Variants in AGMO observed in about 807,000 individuals in gnomAD.
AGMO encodes the protein alkylglycerol monooxygenase, also known as glyceryl-ether monooxygenase.
Under a neutral mutation model 60.2 loss-of-function variants are expected in AGMO, and 75 were observed. The ratio of observed to expected loss-of-function variants is 1.25; its 90% CI spans 1.03 to 1.51. The LOEUF is 1.51. AGMO is among the 40% of genes most tolerant of loss of function. The probability of loss-of-function intolerance (pLI) is 0.00; values close to 1 mark genes in which losing one functional copy is unlikely to be tolerated. For synonymous variants in AGMO, 261 were observed against 177.1 expected, an observed-to-expected ratio of 1.47 and a Z score of -3.76; for missense variants, 763 against 525.5, an observed-to-expected ratio of 1.45 and a Z score of -4.42.
At chr7:15,397,619 C>T (rs984972461) in intron 5 of AGMO, among the ~76,000 whole-genome samples, 50 of 152,364 alleles carry the variant, frequency 3.3e-4, no homozygotes, top group African/African-American at 8.7e-4. Context: ...TTTCTCCCCA[C>T]CTCTCCCTCT....
chr7:15,523,674 G>A (rs1395819518), intron 3 of AGMO, among the ~76,000 whole-genome samples: 1 of 152,082 alleles, frequency 6.6e-6, no homozygotes, highest in Non-Finnish European at 1.5e-5. Flanking sequence ...AGACACTTGG[G>A]CCTGTCTGGT....
intron 5 of AGMO, among the ~76,000 whole-genome samples, chr7:15,411,142 G>C (rs553297617): frequency 1.3e-5 from 2 of 151,890 alleles, no homozygotes; most frequent in South Asian, 4.1e-4. Flanking sequence ...TTTGCTCTCC[G>C]TATTGCATGA....
chr7:15,390,552 T>A, intron 8 of AGMO, 119 bp downstream of exon 8: 2 of 643,760 alleles, frequency 3.1e-6, no homozygotes, highest in Non-Finnish European at 5.0e-6. Context: ...TTTTTAACAG[T>A]TAAAAATTTT....
intron 1 of AGMO, 21 bp downstream of exon 1, chr7:15,561,699 C>G (rs778449199): frequency 1.3e-6 from 2 of 1,588,628 alleles, no homozygotes; most frequent in African/African-American, 2.7e-5. Context: ...ATAAGAGTAG[C>G]CTCTTCCAAT....
intron 3 of AGMO, among the ~76,000 whole-genome samples, chr7:15,463,490 A>T (rs1237764214): frequency 6.6e-6 from 1 of 152,190 alleles, no homozygotes; most frequent in Non-Finnish European, 1.5e-5. Flanking sequence ...CAGAAATAAA[A>T]TAATAAATTG....
intron 12 of AGMO, among the ~76,000 whole-genome samples, chr7:15,245,031 G>A (rs1456997407): frequency 1.3e-5 from 2 of 152,036 alleles, no homozygotes; most frequent in Non-Finnish European, 2.9e-5. Context: ...CTCATTCTTA[G>A]ACTACAAAAG....
At position 15,332,083 on chromosome 7, in the gene AGMO, G is replaced by A. The variant is rs555336544; in HGVS notation, c.1263+33431C>T. On this transcript the variant is annotated intron_variant, in intron 12 of 12. Transcript: ENST00000342526. ...AAATCATAAGATGGAAGGAGCCTAG[G>A]TACCTAACAGACCACATAAAAGGAT... 3.2e-4 allele frequency among the ~76,000 whole-genome samples: 49 copies of A among 152,208 alleles called. No individual in the cohort carries two copies. In the East Asian group the frequency reaches 8.9e-3, roughly 28 times the overall value.
intron 12 of AGMO, among the ~76,000 whole-genome samples, chr7:15,239,896 G>T (rs1782539092): frequency 6.6e-6 from 1 of 152,150 alleles, no homozygotes; most frequent in East Asian, 1.9e-4. Context: ...TCTAGGACAT[G>T]TAAGGACACG....
chr7:15,275,918 G>C (rs979596337), intron 12 of AGMO, among the ~76,000 whole-genome samples: 2 of 151,854 alleles, frequency 1.3e-5, no homozygotes, highest in African/African-American at 4.8e-5. Flanking sequence ...CAGTCTGTGG[G>C]TTTCTTTCGT....
At position 15,560,252 on chromosome 7, in the gene AGMO, G is replaced by T. The variant is rs769378096; in HGVS notation, c.146C>A (p.Ser49Tyr). 6.2e-6 allele frequency: 10 copies of T among 1,611,886 alleles called. No individual in the cohort carries two copies. In the South Asian group the frequency reaches 9.9e-5, roughly 16 times the overall value. Residue 49 changes from serine (S) to tyrosine (Y), a missense_variant, in exon 2 of 13, where the codon TCT (serine) becomes TAT (tyrosine). By Grantham distance (144) the Ser-to-Tyr change is moderately radical. Transcript: ENST00000342526. The part of the protein sequence containing the change: ...YVKKATPFFI[S>Y]LMLLELVVSW... ...GACAACAAGTTCAAGCAGCATCAAA[G>T]AAATGAAAAATGGAGTTGCCTGGAA...
intron 12 of AGMO, among the ~76,000 whole-genome samples, chr7:15,248,041 A>G (rs1280267883): frequency 6.6e-6 from 1 of 151,026 alleles, no homozygotes; most frequent in African/African-American, 2.4e-5. Context: ...GCAGAATAAC[A>G]GAATGCTTCG....
At chr7:15,193,239 TG>T in the AGMO span, among the ~76,000 whole-genome samples, 2 of 85,676 alleles carry the variant, frequency 2.3e-5, no homozygotes, top group African/African-American at 8.7e-5. Flanking sequence ...AGCAAATGTA[TG>T]ATATTTTCTA....
chr7:15,248,224 A>ATATATATATATATC lies in AGMO; in HGVS notation c.1264-46866_1264-46865insGATATATATATATA, dbSNP rs1486326352. Among the ~76,000 whole-genome samples the ATATATATATATATC allele has an allele frequency of 1.7e-4, 17 of 98,738 alleles. 1 individual carries two copies. Among genetic ancestry groups the ATATATATATATATC allele is most frequent in the African/African-American group, 6.5e-4 (16 of 24,702 alleles). 64.8% of individuals were successfully genotyped at this position (98,738 alleles called of 152,430 possible). A position where few individuals can be genotyped will look rare whatever the true frequency, so the allele number is the denominator to read the frequency against. On this transcript the variant is annotated intron_variant, in intron 12 of 12. Coordinates refer to ENST00000342526, the MANE Select transcript of AGMO (RefSeq NM_001004320.2). ...TATATATATATATATATATATATAT[A>ATATATATATATATC]TCTTCATCTTCAATTCTAGTCTAAA...
intron 3 of AGMO, among the ~76,000 whole-genome samples, chr7:15,454,883 C>T (rs1781957827): frequency 6.6e-6 from 1 of 152,100 alleles, no homozygotes; most frequent in South Asian, 2.1e-4. Flanking sequence ...ACCTTCCCTA[C>T]CTCTGATTCC....
intron 3 of AGMO, among the ~76,000 whole-genome samples, chr7:15,525,441 G>A (rs550050636): frequency 6.6e-6 from 1 of 152,076 alleles, no homozygotes; most frequent in East Asian, 1.9e-4. Context: ...GCTCACCTTT[G>A]AGTGGTGTCT....
At chr7:15,551,759 A>G (rs1022647276) in intron 2 of AGMO, among the ~76,000 whole-genome samples, 81 of 151,726 alleles carry the variant, frequency 5.3e-4, no homozygotes, top group African/African-American at 1.9e-3. Context: ...TAATTTACAG[A>G]TTCAATGCCA....
intron 3 of AGMO, among the ~76,000 whole-genome samples, chr7:15,463,925 T>C (rs1236301696): frequency 1.3e-5 from 2 of 152,208 alleles, no homozygotes; most frequent in African/African-American, 2.4e-5. Context: ...TAAAACCCGA[T>C]GCTGTAAGAT....
At chr7:15,356,043 C>T (rs1195858681) in intron 12 of AGMO, among the ~76,000 whole-genome samples, 3 of 152,130 alleles carry the variant, frequency 2.0e-5, no homozygotes, top group African/African-American at 7.2e-5. Context: ...TACTTAATTT[C>T]CCAAATGGAC....
intron 3 of AGMO, among the ~76,000 whole-genome samples, chr7:15,530,778 T>TAC (rs369555646): frequency 3.4e-5 from 3 of 87,982 alleles, no homozygotes; most frequent in Non-Finnish European, 6.5e-5. Context: ...CATTTCTATA[T>TAC]ATATTCTATA....
Sources: gnomAD v4.1 joint callset for allele counts (sites outside exome capture counted in the v4.1 genomes callset) on GRCh38, gnomAD v4.1.1 for gene constraint, MANE v1.5 for transcripts, NCBI Gene and HGNC (gene_info 2026-07-23, HGNC 2026-07-21) for gene names.